GREB1L: variants seen among roughly 807,000 people sequenced by gnomAD.
The protein encoded by GREB1L is GREB1 like retinoic acid receptor coactivator, also known as GREB1-like protein.
A neutral mutation model predicts 200.8 loss-of-function variants in GREB1L; 17 were observed. The observed-to-expected ratio is 0.08, with a 90% CI of 0.06 to 0.13. GREB1L has a LOEUF of 0.13. Ranked by LOEUF, GREB1L falls within the 10% of genes least tolerant of loss-of-function variation. The pLI is 1.00. For synonymous variants in GREB1L, 789 were observed against 893.0 expected (o/e 0.88, Z 2.08); for missense variants, 1,657 against 2,367.7 (o/e 0.70, Z 6.23).
At chr18:21,444,643 C>A (rs879320614) in intron 11 of GREB1L, among the ~76,000 whole-genome samples, 7 of 152,020 alleles carry the variant, frequency 4.6e-5, no homozygotes, top group Non-Finnish European at 8.8e-5. Flanking sequence ...ATTGCACCAC[C>A]TAGTGTCCAG....
chr18:21,454,405 T>C lies in GREB1L; in HGVS notation c.2024T>C (p.Leu675Pro). 1 of 1,551,870 alleles carries C rather than the reference T, an allele frequency of 6.4e-7. No individual in the cohort carries two copies. Among genetic ancestry groups the C allele is most frequent in the Non-Finnish European group, 8.7e-7 (1 of 1,146,968 alleles). The part of the protein sequence containing the change: ...NETFHIYQPQ[L>P]TVARKLLSQV... ...ACCTTCCACATTTATCAACCGCAGCTAACAGTTGCCAGAAAACTCTTATCC... is the reference window on the plus strand; with the variant it reads ...ACCTTCCACATTTATCAACCGCAGCCAACAGTTGCCAGAAAACTCTTATCC... Residue 675 changes from leucine to proline, a missense_variant, in exon 15 of 33, where the codon CTA (leucine) becomes CCA (proline). Physicochemically the swap from Leu to Pro is moderately conservative, Grantham distance 98 (BLOSUM62 -3). Transcript: ENST00000424526.
chr18:21,259,276 A>G (rs2144088772), intron 1 of GREB1L, among the ~76,000 whole-genome samples: 1 of 152,332 alleles, frequency 6.6e-6, no homozygotes, highest in South Asian at 2.1e-4. Flanking sequence ...GATTTCATGA[A>G]ATACATTTGT....
intron 27 of GREB1L, among the ~76,000 whole-genome samples, chr18:21,509,403 C>T (rs1054046847): frequency 1.3e-5 from 2 of 152,154 alleles, no homozygotes; most frequent in Non-Finnish European, 2.9e-5. Flanking sequence ...GACTGGAGGG[C>T]AGATAAGACC....
rs2037094953 is a variant in GREB1L, at chr18:21,508,206, A to G, written c.4457A>G (p.Lys1486Arg). ...CTCTATTTCATCATTCCCAAATCCA[A>G]AGAGAGTCATTTTGTCTTCAGCAAG... is the stretch of plus-strand genomic sequence containing the variant. ...VQLYFIIPKS[K>R]ESHFVFSKQG... The change falls in exon 26 of 33, where the codon AAA becomes AGA. Residue 1486 changes from lysine to arginine, a missense_variant. Transcript: ENST00000424526. 1.9e-6 allele frequency: 3 copies of G among 1,551,650 alleles called. No individual in the cohort carries two copies. Among genetic ancestry groups the G allele is most frequent in the Non-Finnish European group, 1.7e-6 (2 of 1,146,968 alleles).
In GREB1L at chr18:21,499,798, C is replaced by T; in HGVS notation, c.3461C>T (p.Pro1154Leu). ...ADKSQKQSLT[P>L]SFQSPATSLG... ...AAGTCCCAGAAGCAGTCCCTGACCC[C>T]CAGCTTTCAGAGCCCAGCCACCAGC... Residue 1154 changes from proline to leucine, a missense_variant, in exon 22 of 33, where the codon CCC (proline) becomes CTC (leucine). Physicochemically the swap from Pro to Leu is moderately conservative, Grantham distance 98. This residue lies in a region of GREB1L where 512 missense variants were observed against 668.3 expected (regional missense o/e 0.77). Coordinates refer to ENST00000424526, the MANE Select transcript of GREB1L (RefSeq NM_001142966.3). 1.3e-6 allele frequency: 2 copies of T among 1,551,982 alleles called. No homozygotes were observed. The highest frequency in any genetic ancestry group is 2.4e-5 in the East Asian group (1 of 40,908).
At chr18:21,412,034 A>G (rs1281724636) in intron 7 of GREB1L, among the ~76,000 whole-genome samples, 3 of 144,694 alleles carry the variant, frequency 2.1e-5, no homozygotes, top group African/African-American at 7.8e-5. Context: ...CCTGGGCGAC[A>G]GAGCGAGACT....
intron 1 of GREB1L, among the ~76,000 whole-genome samples, chr18:21,293,515 T>C (rs1361376185): frequency 6.6e-6 from 1 of 152,240 alleles, no homozygotes; most frequent in Non-Finnish European, 1.5e-5. Flanking sequence ...CTTAACCAAC[T>C]AATTAATTAA....
At chr18:21,395,774 G>T (rs766128130) in intron 5 of GREB1L, among the ~76,000 whole-genome samples, 11 of 150,278 alleles carry the variant, frequency 7.3e-5, no homozygotes, top group African/African-American at 1.7e-4. Flanking sequence ...CCATCGCCCA[G>T]GCTGGAGTGC....
At chr18:21,450,971 C>T in intron 12 of GREB1L, 52 bp from the exon 13 acceptor site, 1 of 1,520,406 alleles carries the variant, frequency 6.6e-7, no homozygotes. Context: ...AGTAATGTTC[C>T]AGCAACATTT....
intron 21 of GREB1L, among the ~76,000 whole-genome samples, chr18:21,498,577 C>T (rs2036647228): frequency 6.6e-6 from 1 of 152,188 alleles, no homozygotes; most frequent in African/African-American, 2.4e-5. Context: ...ACTCCTTCCT[C>T]TCCCTCACTT....
intron 1 of GREB1L, among the ~76,000 whole-genome samples, chr18:21,349,114 T>G (rs569295631): frequency 7.2e-5 from 11 of 152,300 alleles, no homozygotes; most frequent in African/African-American, 2.6e-4. Context: ...CCTGATTATG[T>G]GCAAGCTCCA....
intron 7 of GREB1L, among the ~76,000 whole-genome samples, chr18:21,429,711 CTT>C (rs1344881063): frequency 6.6e-6 from 1 of 152,126 alleles, no homozygotes; most frequent in Non-Finnish European, 1.5e-5. Flanking sequence ...AATTTAGTCT[CTT>C]TGCTTGTTAT....
At chr18:21,458,225 C>G (rs572519442) in intron 15 of GREB1L, among the ~76,000 whole-genome samples, 1 of 152,218 alleles carries the variant, frequency 6.6e-6, no homozygotes, top group South Asian at 2.1e-4. Context: ...CCCGTTTCGG[C>G]CTCCCAAAGT....
intron 15 of GREB1L, among the ~76,000 whole-genome samples, chr18:21,462,763 C>A (rs2035099683): frequency 6.6e-6 from 1 of 151,998 alleles, no homozygotes; most frequent in African/African-American, 2.4e-5. Context: ...TGAAAAAGTT[C>A]ATCTATGGGA....
At chr18:21,484,420 G>A (rs1022434383) in intron 17 of GREB1L, among the ~76,000 whole-genome samples, 1 of 152,098 alleles carries the variant, frequency 6.6e-6, no homozygotes, top group African/African-American at 2.4e-5. Context: ...GTTTACGGGC[G>A]TGAGCCACTG....
chr18:21,401,574 G>C (rs1374574644), intron 6 of GREB1L, among the ~76,000 whole-genome samples: 3 of 152,174 alleles, frequency 2.0e-5, no homozygotes, highest in Non-Finnish European at 4.4e-5. Flanking sequence ...CAGCTCTCAA[G>C]GGGAAAAATG....
Position 21,520,674 on chromosome 18 carries a change from C to T in GREB1L, c.5473-14C>T. On this transcript the variant is annotated splice_polypyrimidine_tract_variant and intron_variant, in intron 31 of 32. Coordinates refer to ENST00000424526, the MANE Select transcript of GREB1L (RefSeq NM_001142966.3). ...TCTTGAAATGCCCATGCTATTTTTG[C>T]TTGATGATTTCAGGTGGCCATATGC... The T allele has an allele frequency of 6.4e-7, 1 of 1,551,326 alleles. No individual in the cohort carries two copies.
chr18:21,424,621 A>G (rs925678013), intron 7 of GREB1L, among the ~76,000 whole-genome samples: 5 of 152,148 alleles, frequency 3.3e-5, no homozygotes, highest in African/African-American at 4.8e-5. Context: ...TAAACTGACA[A>G]CTTTATTAAG....
At chr18:21,481,473 GTGTGTATA>G (rs774300441) in intron 17 of GREB1L, among the ~76,000 whole-genome samples, 81 of 140,146 alleles carry the variant, frequency 5.8e-4, no homozygotes, top group African/African-American at 1.9e-3. Flanking sequence ...GTGTGTGTGT[GTGTGTATA>G]TATATATATA....
Sources: allele counts gnomAD v4.1 joint callset (sites outside exome capture counted in the v4.1 genomes callset), GRCh38; gene constraint gnomAD v4.1.1; regional missense constraint gnomAD v4.1.1; transcripts MANE v1.5; gene names NCBI Gene and HGNC (gene_info 2026-07-23, HGNC 2026-07-21).